Variants in GLRA3 observed in about 807,000 individuals in gnomAD.
GLRA3 encodes glycine receptor alpha 3.
In GLRA3, 44 loss-of-function variants were observed where a neutral mutation model predicts 60.4. The observed-to-expected ratio is 0.73, with a 90% CI of 0.57 to 0.94. The LOEUF (loss-of-function observed/expected upper bound fraction) is 0.94, where lower values mean the gene tolerates loss of function less well. Among genes scored for constraint, GLRA3 ranks in the 40% least tolerant of loss-of-function variants. The pLI is 0.00. For missense variants in GLRA3, 508 were observed against 564.6 expected, an observed-to-expected ratio of 0.90 and a Z score of 1.02; for synonymous variants, 223 against 192.9, an observed-to-expected ratio of 1.16 and a Z score of -1.29.
intron 5 of GLRA3, among the ~76,000 whole-genome samples, chr4:174,703,845 T>C (rs1735414219): frequency 6.6e-6 from 1 of 152,210 alleles, no homozygotes; most frequent in Non-Finnish European, 1.5e-5. Context: ...GCCAATGCAC[T>C]GCATAATTTA....
chr4:174,652,652 T>G (rs1398080054), intron 9 of GLRA3, among the ~76,000 whole-genome samples: 1 of 152,148 alleles, frequency 6.6e-6, no homozygotes, highest in African/African-American at 2.4e-5. Context: ...TCATTTTATT[T>G]CAATTATTAT....
chr4:174,799,232 T>C (rs1739710203), intron 1 of GLRA3, among the ~76,000 whole-genome samples: 1 of 152,232 alleles, frequency 6.6e-6, no homozygotes, highest in Admixed American at 6.5e-5. Context: ...AACAAAGGTA[T>C]ATAGAAAAGT....
chr4:174,739,180 T>A (rs1006084275), intron 3 of GLRA3, among the ~76,000 whole-genome samples: 4 of 152,202 alleles, frequency 2.6e-5, no homozygotes, highest in Non-Finnish European at 4.4e-5. Flanking sequence ...TTAAAACATG[T>A]TCCCTTGACT....
chr4:174,783,059 C>T (rs1472360657), intron 2 of GLRA3, among the ~76,000 whole-genome samples: 1 of 152,226 alleles, frequency 6.6e-6, no homozygotes, highest in African/African-American at 2.4e-5. Flanking sequence ...CACGACCTGA[C>T]TTCCAACTAT....
At chr4:174,674,501 G>A (rs1333376195) in intron 7 of GLRA3, among the ~76,000 whole-genome samples, 2 of 152,146 alleles carry the variant, frequency 1.3e-5, no homozygotes, top group Non-Finnish European at 2.9e-5. Flanking sequence ...AAATATCAGA[G>A]AGGAATATCA....
At chr4:174,666,197 C>T (rs1733657209) in intron 7 of GLRA3, among the ~76,000 whole-genome samples, 1 of 152,046 alleles carries the variant, frequency 6.6e-6, no homozygotes, top group Admixed American at 6.6e-5. Flanking sequence ...AAATTCCAGG[C>T]TCTATAAATT....
At chr4:174,731,973 G>A (rs1736564899) in intron 3 of GLRA3, among the ~76,000 whole-genome samples, 1 of 152,216 alleles carries the variant, frequency 6.6e-6, no homozygotes, top group African/African-American at 2.4e-5. Flanking sequence ...TTACTGGGCT[G>A]TTAAAAATGA....
chr4:174,690,885 C>T (rs1734769615), intron 5 of GLRA3, among the ~76,000 whole-genome samples: 1 of 152,086 alleles, frequency 6.6e-6, no homozygotes, highest in Admixed American at 6.6e-5. Context: ...CTATATGTAC[C>T]ACATTTTCTT....
At chr4:174,800,915 G>GT (rs547614814) in intron 1 of GLRA3, among the ~76,000 whole-genome samples, 4 of 147,334 alleles carry the variant, frequency 2.7e-5, no homozygotes, top group South Asian at 2.2e-4. Context: ...GATTACATCT[G>GT]TTTTTTCTCT....
intron 7 of GLRA3, among the ~76,000 whole-genome samples, chr4:174,670,914 T>A (rs1180660622): frequency 6.6e-6 from 1 of 152,112 alleles, no homozygotes; most frequent in African/African-American, 2.4e-5. Context: ...ATTTTTTTTA[T>A]CAGTAATAAA....
intron 9 of GLRA3, among the ~76,000 whole-genome samples, chr4:174,648,157 G>T (rs977872424): frequency 2.3e-4 from 35 of 152,126 alleles, no homozygotes; most frequent in Non-Finnish European, 4.1e-4. Context: ...TGAAGCCTGG[G>T]GTGGTATAAA....
At chr4:174,733,297 C>T (rs993808649) in intron 3 of GLRA3, among the ~76,000 whole-genome samples, 1 of 152,180 alleles carries the variant, frequency 6.6e-6, no homozygotes, top group Non-Finnish European at 1.5e-5. Flanking sequence ...CACACTGGAC[C>T]TCTGACCTCA....
At chr4:174,705,269 G>A (rs1375185182) in intron 5 of GLRA3, among the ~76,000 whole-genome samples, 1 of 143,298 alleles carries the variant, frequency 7.0e-6, no homozygotes, top group Admixed American at 7.2e-5. Flanking sequence ...GGGCCCTTCT[G>A]TCTTCTGTGG....
intron 5 of GLRA3, among the ~76,000 whole-genome samples, chr4:174,687,015 G>T (rs75594734): frequency 0.028 from 4,314 of 152,164 alleles, 190 homozygotes; most frequent in African/African-American, 0.097. Context: ...AATTCACAAG[G>T]TCAAAACTGC....
intron 3 of GLRA3, among the ~76,000 whole-genome samples, chr4:174,743,436 C>CT (rs979922119): frequency 3.3e-5 from 5 of 151,824 alleles, no homozygotes; most frequent in Admixed American, 2.0e-4. Flanking sequence ...ATCCTTAACA[C>CT]TTTTTGAGAT....
chr4:174,662,104 T>C (rs112858119), intron 7 of GLRA3, among the ~76,000 whole-genome samples: 49 of 152,290 alleles, frequency 3.2e-4, no homozygotes, highest in African/African-American at 1.2e-3. Context: ...TCTTATTGTA[T>C]ACATGTGCAT....
At chr4:174,799,465 CG>C (rs1739721565) in intron 1 of GLRA3, among the ~76,000 whole-genome samples, 1 of 152,112 alleles carries the variant, frequency 6.6e-6, no homozygotes, top group Non-Finnish European at 1.5e-5. Flanking sequence ...CAATAAATTC[CG>C]TAAGTCGTAA....
In GLRA3 at chr4:174,642,592, T is replaced by TGAAAAATTTTATG; in HGVS notation, c.*1181_*1193dup. On this transcript the variant is annotated 3_prime_UTR_variant, in exon 10 of 10. Coordinates refer to ENST00000274093, the MANE Select transcript of GLRA3 (RefSeq NM_006529.4). ...TGTTGAAGTAATCCCATGGGGTCAT[T>TGAAAAATTTTATG]GAAAAATTTTATGTAAAAATTTCAT... The TGAAAAATTTTATG allele has an allele frequency of 1.0e-6, 1 of 959,292 alleles. No individual in the cohort carries two copies. Among genetic ancestry groups the TGAAAAATTTTATG allele is most frequent in the African/African-American group, 1.8e-5 (1 of 56,864 alleles). The allele number at this position is 959,292 out of a possible 1,614,324, so 59.4% of individuals were successfully genotyped here.
At chr4:174,662,990 G>A (rs905582403) in intron 7 of GLRA3, among the ~76,000 whole-genome samples, 9 of 152,150 alleles carry the variant, frequency 5.9e-5, no homozygotes, top group African/African-American at 9.6e-5. Context: ...TACAGGCGTC[G>A]GGGGAGAAAC....
Sources: allele counts gnomAD v4.1 joint callset (sites outside exome capture counted in the v4.1 genomes callset), GRCh38; gene constraint gnomAD v4.1.1; transcripts MANE v1.5; gene names NCBI Gene and HGNC (gene_info 2026-07-23, HGNC 2026-07-21).